Variants in IQCH observed in about 807,000 individuals in gnomAD.
IQCH encodes the protein IQ motif containing H, also known as IQ domain-containing protein H.
In IQCH, 98 loss-of-function variants were observed where a neutral mutation model predicts 117.0. The observed-to-expected ratio is 0.84, with a 90% CI of 0.71 to 0.99. The LOEUF is 0.99. Ranked by LOEUF, IQCH falls within the 50% of genes least tolerant of loss-of-function variation. IQCH has a pLI of 0.00. For missense variants in IQCH, 1,102 were observed against 1,243.8 expected (o/e 0.89, Z 1.72); for synonymous variants, 412 against 448.2 (o/e 0.92, Z 1.02).
At chr15:67,263,278 C>A in intron 3 of IQCH, 62 bp downstream of exon 3, 2 of 825,702 alleles carry the variant, frequency 2.4e-6, no homozygotes, top group South Asian at 1.5e-5. Flanking sequence ...TTTTCTCACT[C>A]AAGTGAGATG....
intron 16 of IQCH, among the ~76,000 whole-genome samples, chr15:67,461,423 G>A (rs111990222): frequency 3.4e-4 from 52 of 152,302 alleles, no homozygotes; most frequent in African/African-American, 1.2e-3. Flanking sequence ...CCCCAGACAC[G>A]AGGTGCTGCA....
Position 67,472,347 on chromosome 15 carries a change from A to G in IQCH, c.2677-3349A>G, listed in dbSNP as rs894483407. On this transcript the variant is annotated intron_variant, in intron 17 of 20. Transcript: ENST00000335894. The surrounding 1 kb of genome is among the most constrained non-coding windows in gnomAD (Gnocchi z 4.3). ...AAGGGTGCACTGAGCAAGTTTGGGGAGGTCTACCCACCACACCAGGGTCTA... is the reference window on the plus strand; with the variant it reads ...AAGGGTGCACTGAGCAAGTTTGGGGGGGTCTACCCACCACACCAGGGTCTA... 6.6e-6 allele frequency among the ~76,000 whole-genome samples: 1 copy of G among 152,160 alleles called. No individual in the cohort carries two copies. Among genetic ancestry groups the G allele is most frequent in the African/African-American group, 2.4e-5 (1 of 41,446 alleles).
chr15:67,300,593 C>T (rs1966977439), intron 4 of IQCH, among the ~76,000 whole-genome samples: 1 of 152,196 alleles, frequency 6.6e-6, no homozygotes, highest in African/African-American at 2.4e-5. Context: ...GCAATATCCA[C>T]TTTAGAAGAC....
intron 3 of IQCH, among the ~76,000 whole-genome samples, chr15:67,270,617 C>G (rs1474612435): frequency 6.6e-6 from 1 of 152,138 alleles, no homozygotes; most frequent in Non-Finnish European, 1.5e-5. Context: ...TGAAAAGAGA[C>G]AGGCACCTCT....
chr15:67,492,340 C>CA (rs755681044), intron 19 of IQCH, among the ~76,000 whole-genome samples: 46 of 152,220 alleles, frequency 3.0e-4, no homozygotes, highest in Non-Finnish European at 5.6e-4. Flanking sequence ...AGATTAACTA[C>CA]AAAGGAGAAG....
At position 67,473,017 on chromosome 15, in the gene IQCH, G is replaced by A. The variant is rs1053607609; in HGVS notation, c.2677-2679G>A. ...CTTTGGAGCCAAGATACATAGTATT[G>A]CTAGATTGTGCTACCACATGCCTGC... On this transcript the variant is annotated intron_variant, in intron 17 of 20. Transcript: ENST00000335894. This position sits in a 1 kb window ranked among gnomAD's most constrained non-coding sequence, Gnocchi z 4.9. Among the ~76,000 whole-genome samples, 1 of 152,160 alleles carries A rather than the reference G, an allele frequency of 6.6e-6. No homozygotes were observed. The highest frequency in any genetic ancestry group is 1.5e-5 in the Non-Finnish European group (1 of 68,038).
intron 4 of IQCH, among the ~76,000 whole-genome samples, chr15:67,334,647 G>C (rs756315130): frequency 1.3e-5 from 2 of 152,154 alleles, no homozygotes; most frequent in African/African-American, 4.8e-5. Flanking sequence ...CCTATTCTGA[G>C]TTAATTGCCC....
chr15:67,350,957 A>G (rs1038991923), intron 6 of IQCH, among the ~76,000 whole-genome samples: 2 of 152,214 alleles, frequency 1.3e-5, no homozygotes, highest in African/African-American at 4.8e-5. Flanking sequence ...GATGGCCTGT[A>G]TGCATCAAAC....
intron 4 of IQCH, among the ~76,000 whole-genome samples, chr15:67,280,809 G>T (rs1263573326): frequency 6.7e-6 from 1 of 150,148 alleles, no homozygotes; most frequent in East Asian, 1.9e-4. Flanking sequence ...TAACTTGTTT[G>T]AACTTCAGAA....
chr15:67,435,543 C>T (rs2082117505), intron 16 of IQCH, among the ~76,000 whole-genome samples: 1 of 151,864 alleles, frequency 6.6e-6, no homozygotes, highest in African/African-American at 2.4e-5. Flanking sequence ...AAGACTGCAC[C>T]ACTGCACTCC....
rs528116515 is a variant in IQCH at position 67,462,170 on chromosome 15, G to A, written c.2506-2957G>A. 5.9e-5 allele frequency among the ~76,000 whole-genome samples: 9 copies of A among 151,352 alleles called. No individual in the cohort carries two copies. The East Asian group carries it at 1.4e-3, about 24-fold the overall frequency. On this transcript the variant is annotated intron_variant, in intron 16 of 20. Coordinates refer to ENST00000335894, the MANE Select transcript of IQCH (RefSeq NM_001031715.3). Reference sequence around the variant, plus strand: ...GTAAAGGTTGGGCGCGGTGGCTCATGTCTGTAATTTCAGCACTTTGGGAGG... The same window carrying A: ...GTAAAGGTTGGGCGCGGTGGCTCATATCTGTAATTTCAGCACTTTGGGAGG...
chr15:67,441,258 C>T (rs1481055325), intron 16 of IQCH, among the ~76,000 whole-genome samples: 1 of 150,870 alleles, frequency 6.6e-6, no homozygotes, highest in Non-Finnish European at 1.5e-5. Context: ...AATGGAAACA[C>T]ATCCCATACT....
chr15:67,435,000 T>A (rs201754579), intron 16 of IQCH, among the ~76,000 whole-genome samples: 2 of 144,650 alleles, frequency 1.4e-5, no homozygotes, highest in African/African-American at 5.1e-5. Flanking sequence ...TTTTTTTTAA[T>A]TTTTTTTAAT....
intron 3 of IQCH, among the ~76,000 whole-genome samples, chr15:67,276,101 G>T (rs1966110732): frequency 6.6e-6 from 1 of 152,102 alleles, no homozygotes; most frequent in Admixed American, 6.5e-5. Flanking sequence ...TGATATTGAA[G>T]AAATTTTACT....
chr15:67,461,542 A>G (rs558944762), intron 16 of IQCH, among the ~76,000 whole-genome samples: 1 of 152,356 alleles, frequency 6.6e-6, no homozygotes, highest in South Asian at 2.1e-4. Context: ...TTCAATGGAA[A>G]GACCAGATGG....
At chr15:67,344,809 G>A (rs1488496606) in intron 6 of IQCH, among the ~76,000 whole-genome samples, 5 of 152,302 alleles carry the variant, frequency 3.3e-5, no homozygotes, top group Non-Finnish European at 5.9e-5. Context: ...TACATTAAGT[G>A]TGAATGTTCT....
rs1455043635 is a variant in IQCH, at chr15:67,422,787, T to C, written c.2505+1210T>C. Among the ~76,000 whole-genome samples the C allele has an allele frequency of 6.6e-6, 1 of 152,248 alleles. No homozygotes were observed. The highest frequency in any genetic ancestry group is 1.5e-5 in the Non-Finnish European group (1 of 68,046). On this transcript the variant is annotated intron_variant, in intron 16 of 20. Coordinates refer to ENST00000335894, the MANE Select transcript of IQCH (RefSeq NM_001031715.3). The surrounding 1 kb of genome is among the most constrained non-coding windows in gnomAD (Gnocchi z 4.7). ...TTGCTTTTCCCACCTAAAAGTATAA[T>C]GTTAAAGTTCACTACTATTTCACAG...
chr15:67,351,734 T>C (rs1437658323), intron 6 of IQCH, among the ~76,000 whole-genome samples: 1 of 152,240 alleles, frequency 6.6e-6, no homozygotes, highest in Admixed American at 6.5e-5. Flanking sequence ...CTTCATTATC[T>C]CTATAATTGC....
Position 67,385,089 on chromosome 15 carries a change from TTTTG to T in IQCH, c.1456+82_1456+85del, listed in dbSNP as rs1159388265. ...CAGTGGATGTTGATAGAATGTGTTG[TTTTG>T]TTTGTTTGTTTTTTGCTTATTTTTT... On this transcript the variant is annotated intron_variant, in intron 11 of 20. Coordinates refer to ENST00000335894, the MANE Select transcript of IQCH (RefSeq NM_001031715.3). This position sits in a 1 kb window ranked among gnomAD's most constrained non-coding sequence, Gnocchi z 4.6. 1.6e-5 allele frequency: 16 copies of T among 978,840 alleles called. No homozygotes were observed. Among genetic ancestry groups the T allele is most frequent in the Middle Eastern group, 2.1e-4 (1 of 4,662 alleles). 60.6% of individuals were successfully genotyped at this position (978,840 alleles called of 1,614,324 possible).
Sources: gnomAD v4.1 joint callset for allele counts (sites outside exome capture counted in the v4.1 genomes callset) on GRCh38, gnomAD v4.1.1 for gene constraint, Gnocchi (gnomAD v3.1) non-coding constraint, MANE v1.5 for transcripts, NCBI Gene and HGNC (gene_info 2026-07-23, HGNC 2026-07-21) for gene names.